The following DROSHA variants were observed in gnomAD, a reference collection of about 807,000 sequenced individuals.
DROSHA encodes ribonuclease 3.
In DROSHA, 56 loss-of-function variants were observed where a neutral mutation model predicts 181.9. The observed-to-expected ratio is 0.31, with a 90% confidence interval of 0.25 to 0.38. The LOEUF is 0.38. DROSHA is among the 10% of genes least tolerant of loss of function. The pLI, the probability that DROSHA is intolerant of heterozygous loss-of-function variation, is 1.00. For missense variants in DROSHA, 1,218 were observed against 1,743.5 expected (o/e 0.70, Z 5.37); for synonymous variants, 524 against 591.2 (o/e 0.89, Z 1.65).
intron 27 of DROSHA, among the ~76,000 whole-genome samples, chr5:31,427,370 C>T (rs1285335916): frequency 6.6e-6 from 1 of 152,044 alleles, no homozygotes; most frequent in Non-Finnish European, 1.5e-5. Context: ...ACAAAACCAG[C>T]AAAACTGGGG....
intron 23 of DROSHA, among the ~76,000 whole-genome samples, chr5:31,443,161 A>C (rs1055086050): frequency 6.6e-6 from 1 of 151,400 alleles, no homozygotes; most frequent in Non-Finnish European, 1.5e-5. Context: ...CTGGGATTAC[A>C]GGAGGCCACC....
chr5:31,471,976 A>G, intron 17 of DROSHA, 87 bp downstream of exon 17: 3 of 1,338,498 alleles, frequency 2.2e-6, no homozygotes, highest in Non-Finnish European at 3.0e-6. Flanking sequence ...TAAAACTTTT[A>G]AAATGTGCTG....
At chr5:31,485,653 C>T (rs1437880826) in intron 14 of DROSHA, among the ~76,000 whole-genome samples, 1 of 76,532 alleles carries the variant, frequency 1.3e-5, no homozygotes, top group Non-Finnish European at 3.4e-5. Flanking sequence ...AAAAAAAACC[C>T]TTCTAAAGCA....
intron 20 of DROSHA, among the ~76,000 whole-genome samples, chr5:31,455,107 T>G (rs1747491271): frequency 1.3e-5 from 2 of 151,360 alleles, no homozygotes; most frequent in Admixed American, 1.3e-4. Flanking sequence ...GTGACAAAAC[T>G]CAGGAAAAAG....
At chr5:31,449,144 A>AACAAAAC in intron 22 of DROSHA, 137 bp downstream of exon 22, 1 of 1,257,022 alleles carries the variant, frequency 8.0e-7, no homozygotes, top group Non-Finnish European at 1.1e-6. Context: ...CAAAAAAAAA[A>AACAAAAC]AAAAAGAGTC....
chr5:31,522,545 A>G (rs547874743), intron 5 of DROSHA, among the ~76,000 whole-genome samples: 4 of 152,338 alleles, frequency 2.6e-5, no homozygotes, highest in Non-Finnish European at 5.9e-5. Flanking sequence ...GGACTTGAAA[A>G]GACCAATTTG....
chr5:31,520,126 C>T (rs1264072521), intron 6 of DROSHA, among the ~76,000 whole-genome samples: 3 of 151,944 alleles, frequency 2.0e-5, no homozygotes, highest in Non-Finnish European at 2.9e-5. Flanking sequence ...TTCCATTTTT[C>T]GAGTTATTGA....
intron 35 of DROSHA, among the ~76,000 whole-genome samples, 175 bp from the exon 36 acceptor site, chr5:31,401,737 T>C (rs1182683658): frequency 1.3e-5 from 2 of 152,180 alleles, no homozygotes; most frequent in Admixed American, 1.3e-4. Context: ...CTTTCATCAC[T>C]CAAAAACATA....
At chr5:31,403,260 G>A (rs533697876) in intron 35 of DROSHA, among the ~76,000 whole-genome samples, 9 of 152,156 alleles carry the variant, frequency 5.9e-5, no homozygotes, top group Non-Finnish European at 8.8e-5. Context: ...CTCTATTTCC[G>A]GAATAAACTC....
intron 8 of DROSHA, among the ~76,000 whole-genome samples, chr5:31,513,670 C>T (rs1396458431): frequency 2.6e-5 from 4 of 152,178 alleles, no homozygotes; most frequent in Non-Finnish European, 4.4e-5. Context: ...CCCACAGATA[C>T]GAGTCCAAAT....
intron 11 of DROSHA, among the ~76,000 whole-genome samples, 168 bp downstream of exon 11, chr5:31,504,387 G>A (rs887414159): frequency 1.3e-5 from 2 of 152,076 alleles, no homozygotes; most frequent in South Asian, 2.1e-4. Context: ...TCCCCACTGC[G>A]CTCCCAAAAC....
Position 31,412,665 on chromosome 5 carries a change from C to G in DROSHA, c.3526-1778G>C, listed in dbSNP as rs544201384. ...TCTTTGCCTGTCTCTGCTTTCTTTC[C>G]TCCTCCTGTCTCCCCCTTAGTCCCA... On this transcript the variant is annotated intron_variant, in intron 30 of 35. Transcript: ENST00000344624. Among the ~76,000 whole-genome samples the G allele has an allele frequency of 2.6e-5, 4 of 152,240 alleles. No individual in the cohort carries two copies. In the East Asian group the frequency reaches 7.7e-4, roughly 29 times the overall value.
intron 16 of DROSHA, among the ~76,000 whole-genome samples, chr5:31,480,017 T>C (rs1376770765): frequency 6.6e-6 from 1 of 151,686 alleles, no homozygotes; most frequent in Non-Finnish European, 1.5e-5. Context: ...ATTTAGCCAT[T>C]CTGATGTGTG....
At chr5:31,476,540 G>A (rs1290229073) in intron 16 of DROSHA, among the ~76,000 whole-genome samples, 1 of 152,170 alleles carries the variant, frequency 6.6e-6, no homozygotes, top group Non-Finnish European at 1.5e-5. Flanking sequence ...AACACTGAAG[G>A]AGAAACCACA....
chr5:31,518,684 A>C (rs943175540), intron 6 of DROSHA, among the ~76,000 whole-genome samples: 1 of 152,162 alleles, frequency 6.6e-6, no homozygotes, highest in Non-Finnish European at 1.5e-5. Flanking sequence ...CAGCAAGCCT[A>C]GGAGGCAGAT....
At chr5:31,479,132 G>C (rs550629195) in intron 16 of DROSHA, among the ~76,000 whole-genome samples, 7 of 151,700 alleles carry the variant, frequency 4.6e-5, no homozygotes, top group African/African-American at 1.7e-4. Flanking sequence ...AAGTATCTGA[G>C]TTTAAAAAAA....
At chr5:31,466,051 AG>A in intron 19 of DROSHA, 130 bp downstream of exon 19, 2 of 846,924 alleles carry the variant, frequency 2.4e-6, no homozygotes, top group Non-Finnish European at 3.6e-6. Flanking sequence ...TGGGGGGAGG[AG>A]GGTAAAGTAT....
chr5:31,429,197 G>C (rs1743835315), intron 27 of DROSHA, among the ~76,000 whole-genome samples: 1 of 152,130 alleles, frequency 6.6e-6, no homozygotes, highest in Non-Finnish European at 1.5e-5. Flanking sequence ...ACTTCAAAAT[G>C]AAGCGAAGTC....
intron 12 of DROSHA, 93 bp from the exon 13 acceptor site, chr5:31,493,386 C>T (rs1235012278): frequency 3.7e-6 from 4 of 1,092,328 alleles, no homozygotes; most frequent in South Asian, 1.7e-5. Flanking sequence ...ACCAATAGAA[C>T]ATAAGGACTT....
Sources: allele counts gnomAD v4.1 joint callset (sites outside exome capture counted in the v4.1 genomes callset), GRCh38; gene constraint gnomAD v4.1.1; transcripts MANE v1.5; gene names NCBI Gene and HGNC (gene_info 2026-07-23, HGNC 2026-07-21).